Variants in ANXA4 observed in about 807,000 individuals in gnomAD.
ANXA4 encodes 35-beta calcimedin.
In ANXA4, 39 loss-of-function variants were observed where a neutral mutation model predicts 49.8. The observed-to-expected ratio is 0.78, with a 90% confidence interval of 0.61 to 1.02. ANXA4 has a LOEUF of 1.02. ANXA4 is among the 50% of genes least tolerant of loss of function. The pLI is 0.00. For synonymous variants in ANXA4, 134 were observed against 152.5 expected (o/e 0.88, Z 0.89); for missense variants, 360 against 410.1 (o/e 0.88, Z 1.05).
chr2:69,719,383 C>T (rs1440581037), intron 2 of ANXA4, among the ~76,000 whole-genome samples: 2 of 150,894 alleles, frequency 1.3e-5, no homozygotes, highest in Non-Finnish European at 2.9e-5. Flanking sequence ...TGCTTTCAGC[C>T]TCCTGAGTAG....
chr2:69,764,636 C>T (rs1344728728), intron 1 of ANXA4, among the ~76,000 whole-genome samples: 1 of 152,102 alleles, frequency 6.6e-6, no homozygotes, highest in Non-Finnish European at 1.5e-5. Flanking sequence ...GATGAGCCAT[C>T]GTTTCTTTTA....
At chr2:69,729,983 G>A (rs1378450222) in intron 3 of ANXA4, among the ~76,000 whole-genome samples, 2 of 152,200 alleles carry the variant, frequency 1.3e-5, no homozygotes, top group African/African-American at 2.4e-5. Context: ...GCCTCTTCCT[G>A]AGATATTCCA....
upstream of ANXA4, among the ~76,000 whole-genome samples, chr2:69,740,252 G>A (rs1191745635): frequency 6.6e-6 from 1 of 151,856 alleles, no homozygotes; most frequent in Non-Finnish European, 1.5e-5. Context: ...ATGTAGCCCA[G>A]GATAATCTCC....
At chr2:69,662,794 A>G (rs185170123) in intron 2 of ANXA4, among the ~76,000 whole-genome samples, 2,114 of 151,952 alleles carry the variant, frequency 0.014, 26 homozygotes, top group Non-Finnish European at 0.021. Flanking sequence ...TGTAGACCTC[A>G]CTCTTAGGGT....
At chr2:69,764,991 A>T (rs989291272) in intron 1 of ANXA4, among the ~76,000 whole-genome samples, 2 of 152,140 alleles carry the variant, frequency 1.3e-5, no homozygotes, top group Non-Finnish European at 2.9e-5. Context: ...TAGGTTCATC[A>T]GTGTTATAGC....
intron 2 of ANXA4, among the ~76,000 whole-genome samples, chr2:69,712,801 G>A (rs1488734433): frequency 6.6e-6 from 1 of 152,148 alleles, no homozygotes; most frequent in African/African-American, 2.4e-5. Flanking sequence ...ACAGCTTCTT[G>A]GACTGTTGAA....
intron 1 of ANXA4, among the ~76,000 whole-genome samples, chr2:69,772,890 G>A (rs775203072): frequency 1.4e-4 from 22 of 151,974 alleles, no homozygotes; most frequent in Non-Finnish European, 3.1e-4. Flanking sequence ...GGTGGCAGGC[G>A]TCTGTGATCC....
At chr2:69,772,586 CAA>C (rs1389971535) in intron 1 of ANXA4, among the ~76,000 whole-genome samples, 6 of 152,138 alleles carry the variant, frequency 3.9e-5, no homozygotes, top group Admixed American at 6.5e-5. Context: ...ATCCTTGTGC[CAA>C]GAGTTATTGA....
chr2:69,769,686 C>T (rs557310872), intron 1 of ANXA4, among the ~76,000 whole-genome samples: 7 of 152,178 alleles, frequency 4.6e-5, no homozygotes, highest in South Asian at 4.1e-4. Flanking sequence ...TTTTTTGAGA[C>T]GGAGTCTCCC....
intron 1 of ANXA4, among the ~76,000 whole-genome samples, chr2:69,746,115 G>A (rs2105478740): frequency 6.6e-6 from 1 of 152,196 alleles, no homozygotes; most frequent in Admixed American, 6.5e-5. Context: ...AGGTTCAAGT[G>A]ATTCTCCTGC....
Position 69,765,096 on chromosome 2 carries a change from A to T in ANXA4, c.-46-16424A>T, listed in dbSNP as rs886769344. ...TGTATACACACACACACACACACAC[A>T]CACCACATTGTGTTTATCCATTTAT... On this transcript the variant is annotated intron_variant, in intron 1 of 12. Transcript: ENST00000394295. Among the ~76,000 whole-genome samples, 120 of 152,264 alleles carry T rather than the reference A, an allele frequency of 7.9e-4. 1 individual carries two copies. The highest frequency in any genetic ancestry group is 1.2e-3 in the Non-Finnish European group (80 of 68,014).
Position 69,666,907 on chromosome 2 carries a change from G to A in ANXA4, n.766+13625G>A, listed in dbSNP as rs141559257. Among the ~76,000 whole-genome samples, 278 of 152,182 alleles carry A rather than the reference G, an allele frequency of 1.8e-3. 1 individual carries two copies. Among genetic ancestry groups the A allele is most frequent in the African/African-American group, 3.6e-3 (148 of 41,526 alleles). On this transcript the variant is annotated intron_variant and non_coding_transcript_variant, in intron 2 of 3. Coordinates refer to the ANXA4 transcript ENST00000418066. The stretch of plus-strand genomic sequence containing the variant: ...CTAAAAATACAAAAATTAGCTAAGC[G>A]TGTTGGTGCACACCTGTAGTTCCAG...
intron 2 of ANXA4, among the ~76,000 whole-genome samples, chr2:69,673,853 C>T (rs886665575): frequency 6.6e-6 from 1 of 151,568 alleles, no homozygotes; most frequent in Non-Finnish European, 1.5e-5. Context: ...GGAGAATCCC[C>T]CTGGGATTCT....
chr2:69,650,020 C>G (rs1676172829), intron 1 of ANXA4, among the ~76,000 whole-genome samples: 1 of 148,488 alleles, frequency 6.7e-6, no homozygotes, highest in African/African-American at 2.5e-5. Context: ...ACTGCAGCCA[C>G]CACCTCCCGG....
At chr2:69,656,692 G>A (rs895606561) in intron 2 of ANXA4, among the ~76,000 whole-genome samples, 2 of 150,638 alleles carry the variant, frequency 1.3e-5, no homozygotes, top group African/African-American at 4.9e-5. Context: ...TGAGACTACA[G>A]GCATGCGCCA....
At chr2:69,768,563 G>A (rs750324674) in intron 1 of ANXA4, among the ~76,000 whole-genome samples, 4 of 152,174 alleles carry the variant, frequency 2.6e-5, no homozygotes, top group Non-Finnish European at 5.9e-5. Flanking sequence ...GTATACAGGC[G>A]GAAAGGAAAG....
chr2:69,781,646 G>A, intron 2 of ANXA4, 72 bp downstream of exon 2: 1 of 1,560,190 alleles, frequency 6.4e-7, no homozygotes, highest in Non-Finnish European at 8.8e-7. Context: ...CTCAGCAACT[G>A]TTAGCTTAAA....
intron 1 of ANXA4, among the ~76,000 whole-genome samples, chr2:69,652,252 C>T (rs1676281203): frequency 6.6e-6 from 1 of 151,770 alleles, no homozygotes; most frequent in Non-Finnish European, 1.5e-5. Context: ...ATGATCCACT[C>T]GCCTCAGACT....
intron 2 of ANXA4, among the ~76,000 whole-genome samples, chr2:69,782,935 G>A (rs187993832): frequency 1.9e-3 from 287 of 152,160 alleles, no homozygotes; most frequent in African/African-American, 6.4e-3. Flanking sequence ...CTATACAGTC[G>A]CAACATTGGA....
Sources: allele counts gnomAD v4.1 joint callset (sites outside exome capture counted in the v4.1 genomes callset), GRCh38; gene constraint gnomAD v4.1.1; transcripts MANE v1.5; gene names NCBI Gene and HGNC (gene_info 2026-07-23, HGNC 2026-07-21).